Variants in SLIT1 observed in about 807,000 individuals in gnomAD.
The protein encoded by SLIT1 is slit guidance ligand 1.
A neutral mutation model predicts 186.1 loss-of-function variants in SLIT1; 66 were observed. The ratio of observed to expected loss-of-function variants is 0.35; its 90% CI spans 0.29 to 0.44. The LOEUF (loss-of-function observed/expected upper bound fraction) is 0.44. Ranked by LOEUF, SLIT1 falls within the 20% of genes least tolerant of loss-of-function variation. The pLI, the probability that SLIT1 is intolerant of heterozygous loss-of-function variation, is 1.00. For synonymous variants in SLIT1, 761 were observed against 833.8 expected (o/e 0.91, Z 1.50); for missense variants, 1,638 against 2,037.4 (o/e 0.80, Z 3.77).
intron 21 of SLIT1, among the ~76,000 whole-genome samples, chr10:97,039,312 C>T (rs1475913413): frequency 6.6e-6 from 1 of 152,196 alleles, no homozygotes; most frequent in Non-Finnish European, 1.5e-5. Context: ...TTGTCAAATG[C>T]ATCTATGTCC....
chr10:97,116,690 G>A (rs1849513015), intron 4 of SLIT1, among the ~76,000 whole-genome samples: 1 of 152,186 alleles, frequency 6.6e-6, no homozygotes, highest in African/African-American at 2.4e-5. Flanking sequence ...CAGGGAGAGG[G>A]GCCCAGGTGT....
chr10:97,002,050 G>A lies in SLIT1; in HGVS notation c.4366+108C>T, dbSNP rs1848314235. 4 of 687,852 alleles carry A rather than the reference G, an allele frequency of 5.8e-6. No homozygotes were observed. The East Asian group carries it at 8.5e-5, about 15-fold the overall frequency. The allele number at this position is 687,852 out of a possible 1,614,324, so 42.6% of individuals were successfully genotyped here. On this transcript the variant is annotated intron_variant, in intron 36 of 36. Transcript: ENST00000266058. ...AAGCCCCATAGTAGCCCATGGTACA[G>A]GGCTGGGAAGGGACAGAAGGGCTGC...
chr10:97,061,332 C>A (rs1041438210), intron 8 of SLIT1, among the ~76,000 whole-genome samples: 6 of 152,252 alleles, frequency 3.9e-5, no homozygotes, highest in African/African-American at 1.4e-4. Flanking sequence ...AGGATCCAGC[C>A]CAGTGTCTGA....
At chr10:97,031,020 T>C (rs1198635166) in intron 24 of SLIT1, among the ~76,000 whole-genome samples, 192 bp from the exon 25 acceptor site, 1 of 152,152 alleles carries the variant, frequency 6.6e-6, no homozygotes, top group African/African-American at 2.4e-5. Flanking sequence ...CAGACGGCCC[T>C]GTCCCCAAGC....
chr10:97,138,763 G>C (rs1011889053), intron 4 of SLIT1, among the ~76,000 whole-genome samples: 2 of 152,182 alleles, frequency 1.3e-5, no homozygotes, highest in Admixed American at 6.5e-5. Context: ...GATTATGCTG[G>C]AACAGCATAA....
chr10:97,125,617 T>C (rs1849597265), intron 4 of SLIT1, among the ~76,000 whole-genome samples: 1 of 149,954 alleles, frequency 6.7e-6, no homozygotes, highest in African/African-American at 2.5e-5. Context: ...GGCGGGCGGA[T>C]CACCTGAGGT....
chr10:97,003,122 C>T lies in SLIT1; in HGVS notation c.3866-130G>A, dbSNP rs1474349632. 3 of 872,138 alleles carry T rather than the reference C, an allele frequency of 3.4e-6. No homozygotes were observed. In the African/African-American group the frequency reaches 5.0e-5, roughly 15 times the overall value. 54.0% of individuals were successfully genotyped at this position (872,138 alleles called of 1,614,324 possible). ...GCCTCTGTCCTTCATCTCTGCAACC[C>T]TGATCCAAGGTCCTTTGCCACCTTG... On this transcript the variant is annotated intron_variant, in intron 34 of 36. Transcript: ENST00000266058.
chr10:97,103,603 C>G (rs764232289), intron 4 of SLIT1: 1 of 152,226 alleles, frequency 6.6e-6, no homozygotes, highest in Non-Finnish European at 1.5e-5. Context: ...GAAAAGCGCA[C>G]AGTGTGATTT....
intron 25 of SLIT1, among the ~76,000 whole-genome samples, chr10:97,030,382 C>A (rs1848580191): frequency 6.6e-6 from 1 of 152,226 alleles, no homozygotes; most frequent in African/African-American, 2.4e-5. Flanking sequence ...CACCACCCTG[C>A]AGCTGTGCAG....
intron 13 of SLIT1, among the ~76,000 whole-genome samples, chr10:97,055,648 G>T (rs555087261): frequency 6.6e-6 from 1 of 152,162 alleles, no homozygotes; most frequent in Non-Finnish European, 1.5e-5. Context: ...GGGATTAGAG[G>T]CATGAGCCAC....
chr10:97,169,826 C>G (rs1398219528), intron 1 of SLIT1, among the ~76,000 whole-genome samples: 1 of 152,244 alleles, frequency 6.6e-6, no homozygotes, highest in African/African-American at 2.4e-5. Context: ...ATATGATCTC[C>G]AACTTGCTGA....
At chr10:97,119,874 G>A (rs890937268) in intron 4 of SLIT1, among the ~76,000 whole-genome samples, 1 of 135,826 alleles carries the variant, frequency 7.4e-6, no homozygotes, top group African/African-American at 2.7e-5. Flanking sequence ...ACTTAGTCTT[G>A]AAAGTTTAGG....
chr10:97,039,848 G>A (rs866101075), intron 21 of SLIT1, 140 bp downstream of exon 21: 4 of 906,404 alleles, frequency 4.4e-6, no homozygotes, highest in Admixed American at 3.2e-5. Context: ...TGCAAAGCCC[G>A]AACTCCAGCT....
At chr10:97,001,406 T>C (rs887674178) in intron 36 of SLIT1, 56 bp from the exon 37 acceptor site, 48 of 1,369,648 alleles carry the variant, frequency 3.5e-5, no homozygotes, top group Non-Finnish European at 4.6e-5. Flanking sequence ...GGTGAGCTGC[T>C]GCCTCCAGGG....
intron 4 of SLIT1, among the ~76,000 whole-genome samples, chr10:97,144,382 C>T (rs1005473958): frequency 3.3e-5 from 5 of 152,204 alleles, no homozygotes; most frequent in East Asian, 1.9e-4. Context: ...AAGAACTCTA[C>T]ATTTAAAGCC....
At chr10:97,180,490 C>G (rs773212778) in intron 1 of SLIT1, among the ~76,000 whole-genome samples, 36 of 152,212 alleles carry the variant, frequency 2.4e-4, no homozygotes, top group Middle Eastern at 3.2e-3. Flanking sequence ...GACTAAAACT[C>G]GGGTTTCTGT....
At position 97,047,956 on chromosome 10, in the gene SLIT1, T is replaced by TC. The variant is rs1848749920; in HGVS notation, c.1489+16dup. On this transcript the variant is annotated intron_variant, in intron 15 of 36. Transcript: ENST00000266058. ...CCATTCCCGCCAGGCTGGCCTTGGA[T>TC]CCCCCCACTCTCCTACCTGGAATGA... is the stretch of plus-strand genomic sequence containing the variant. 5 of 1,613,728 alleles carry TC rather than the reference T, an allele frequency of 3.1e-6. No individual in the cohort carries two copies. Among genetic ancestry groups the TC allele is most frequent in the Admixed American group, 3.3e-5 (2 of 59,976 alleles).
At chr10:97,147,656 G>C (rs2784932) in intron 4 of SLIT1, among the ~76,000 whole-genome samples, 98,077 of 151,748 alleles carry the variant, frequency 0.65, 33,769 homozygotes, top group Admixed American at 0.78. Flanking sequence ...AGGCCTTTGT[G>C]GGGGGCGACT....
intron 4 of SLIT1, among the ~76,000 whole-genome samples, chr10:97,074,288 G>T (rs1465153778): frequency 2.0e-5 from 3 of 152,180 alleles, no homozygotes; most frequent in Admixed American, 1.3e-4. Context: ...TGAGTCCTCT[G>T]CTCTAATCCC....
Sources: allele counts gnomAD v4.1 joint callset (sites outside exome capture counted in the v4.1 genomes callset), GRCh38; gene constraint gnomAD v4.1.1; transcripts MANE v1.5; gene names NCBI Gene and HGNC (gene_info 2026-07-23, HGNC 2026-07-21).